The following FAR2 variants were observed in gnomAD, a reference collection of about 807,000 sequenced individuals.
FAR2 encodes the protein fatty acyl-CoA reductase 2.
Under a neutral mutation model 56.0 loss-of-function variants are expected in FAR2, and 19 were observed. The observed-to-expected ratio is 0.34, with a 90% CI of 0.24 to 0.50. The LOEUF (loss-of-function observed/expected upper bound fraction) is 0.50. FAR2 is among the 20% of genes least tolerant of loss of function. The pLI is 0.98. For missense variants in FAR2, 508 were observed against 642.2 expected (o/e 0.79, Z 2.26); for synonymous variants, 219 against 218.8 (o/e 1.00, Z -0.01).
intron 1 of FAR2, among the ~76,000 whole-genome samples, chr12:29,233,595 A>G (rs1484819046): frequency 6.6e-6 from 1 of 152,194 alleles, no homozygotes; most frequent in Non-Finnish European, 1.5e-5. Context: ...TCCTCGTGTC[A>G]TAGGTTAATG....
At chr12:29,175,418 G>A (rs1949928166) in intron 1 of FAR2, among the ~76,000 whole-genome samples, 4 of 152,144 alleles carry the variant, frequency 2.6e-5, no homozygotes, top group South Asian at 2.1e-4. Context: ...AGACCTTCAC[G>A]GCAAGTGTTA....
chr12:29,248,090 T>A (rs1304395405), intron 1 of FAR2, among the ~76,000 whole-genome samples: 1 of 152,236 alleles, frequency 6.6e-6, no homozygotes, highest in African/African-American at 2.4e-5. Flanking sequence ...GGTAGAAATT[T>A]CTTTGAATCA....
chr12:29,260,582 T>C (rs1948400863), intron 1 of FAR2, among the ~76,000 whole-genome samples: 1 of 152,156 alleles, frequency 6.6e-6, no homozygotes, highest in African/African-American at 2.4e-5. Flanking sequence ...CTGTGACAGC[T>C]GTGGGGACAG....
intron 1 of FAR2, among the ~76,000 whole-genome samples, chr12:29,181,261 T>TA (rs1949989496): frequency 6.6e-6 from 1 of 152,182 alleles, no homozygotes; most frequent in African/African-American, 2.4e-5. Context: ...TAAAAGCACT[T>TA]ATTAAACACC....
At chr12:29,328,922 A>G (rs1381380657) in intron 10 of FAR2, among the ~76,000 whole-genome samples, 2 of 152,078 alleles carry the variant, frequency 1.3e-5, no homozygotes, top group Non-Finnish European at 2.9e-5. Context: ...AAAAAACAAT[A>G]TATCAGATGG....
At chr12:29,231,569 CTT>C (rs1565480664) in intron 1 of FAR2, among the ~76,000 whole-genome samples, 1 of 152,004 alleles carries the variant, frequency 6.6e-6, no homozygotes, top group Non-Finnish European at 1.5e-5. Context: ...CATTCTGAAA[CTT>C]AAAGAAAAAA....
At chr12:29,157,142 A>ATATATATATATATATATATATATATG (rs1289279461) in intron 1 of FAR2, among the ~76,000 whole-genome samples, 2 of 137,788 alleles carry the variant, frequency 1.5e-5, no homozygotes, top group African/African-American at 5.4e-5. Flanking sequence ...ATATATATAT[A>ATATATATATATATATATATATATATG]TATGTATCAA....
intron 1 of FAR2, among the ~76,000 whole-genome samples, chr12:29,193,842 C>G (rs1460653368): frequency 6.6e-6 from 1 of 152,154 alleles, no homozygotes; most frequent in Non-Finnish European, 1.5e-5. Flanking sequence ...TCCAAAGTAG[C>G]TGTACCATTT....
At chr12:29,253,103 G>A (rs12301468) in intron 1 of FAR2, among the ~76,000 whole-genome samples, 1 of 151,546 alleles carries the variant, frequency 6.6e-6, no homozygotes, top group African/African-American at 2.4e-5. Context: ...AGCCTAACCT[G>A]CAGATTTTAA....
At chr12:29,239,933 T>G (rs1947999878) in intron 1 of FAR2, among the ~76,000 whole-genome samples, 1 of 152,156 alleles carries the variant, frequency 6.6e-6, no homozygotes, top group Non-Finnish European at 1.5e-5. Context: ...TGCCCCTATA[T>G]TAGTCCTTTT....
chr12:29,198,953 G>A (rs78841870), intron 1 of FAR2, among the ~76,000 whole-genome samples: 2 of 152,110 alleles, frequency 1.3e-5, no homozygotes, highest in Admixed American at 6.6e-5. Context: ...TAGGCAAGTG[G>A]CAGAGATACA....
At chr12:29,193,249 T>G (rs1180817070) in intron 1 of FAR2, among the ~76,000 whole-genome samples, 3 of 152,162 alleles carry the variant, frequency 2.0e-5, no homozygotes, top group African/African-American at 7.2e-5. Context: ...GACACATCAT[T>G]ATCACCCAAA....
intron 1 of FAR2, among the ~76,000 whole-genome samples, chr12:29,177,579 G>A (rs183070977): frequency 3.6e-4 from 55 of 152,152 alleles, no homozygotes; most frequent in Admixed American, 1.8e-3. Flanking sequence ...GAAGTAATAA[G>A]GTACTTGCAA....
chr12:29,151,773 T>C (rs1949683172), intron 1 of FAR2: 1 of 152,248 alleles, frequency 6.6e-6, no homozygotes, highest in South Asian at 2.1e-4. Context: ...TACATTTCAG[T>C]TTCCTCATTG....
intron 1 of FAR2, among the ~76,000 whole-genome samples, chr12:29,234,560 C>G (rs143758912): frequency 3.2e-4 from 49 of 152,248 alleles, no homozygotes; most frequent in Admixed American, 6.5e-4. Flanking sequence ...CTTCGAGTTG[C>G]TATTTGTCTA....
chr12:29,266,270 A>G (rs1948514796), intron 1 of FAR2, among the ~76,000 whole-genome samples: 2 of 152,230 alleles, frequency 1.3e-5, no homozygotes, highest in South Asian at 4.1e-4. Context: ...GTGTCCATCA[A>G]TAGATGAATG....
chr12:29,173,109 C>T (rs887036184), intron 1 of FAR2, among the ~76,000 whole-genome samples: 2 of 152,166 alleles, frequency 1.3e-5, no homozygotes, highest in African/African-American at 4.8e-5. Flanking sequence ...AAAGGTTTGC[C>T]CTAGATCCTG....
intron 1 of FAR2, chr12:29,171,261 GC>G (rs1386820490): frequency 2.0e-5 from 3 of 152,822 alleles, no homozygotes; most frequent in African/African-American, 7.2e-5. Flanking sequence ...CTGGTTGGGG[GC>G]TTCTGGCCCA....
intron 11 of FAR2, 138 bp from the exon 12 acceptor site, chr12:29,333,494 T>C (rs1056407521): frequency 1.1e-5 from 8 of 733,192 alleles, no homozygotes; most frequent in Middle Eastern, 2.6e-4. Flanking sequence ...CAGAAACCAA[T>C]TGGCCAAGTT....
Sources: gnomAD v4.1 joint callset for allele counts (sites outside exome capture counted in the v4.1 genomes callset) on GRCh38, gnomAD v4.1.1 for gene constraint, MANE v1.5 for transcripts, NCBI Gene and HGNC (gene_info 2026-07-23, HGNC 2026-07-21) for gene names.